The following LRP5 variants were observed in gnomAD, a reference collection of about 807,000 sequenced individuals.
LRP5 encodes low-density lipoprotein receptor-related protein 5.
Under a neutral mutation model 154.1 loss-of-function variants are expected in LRP5, and 62 were observed. That is an observed-to-expected ratio of 0.40 (90% confidence interval 0.33 to 0.50). The LOEUF (loss-of-function observed/expected upper bound fraction) is 0.50. Among genes scored for constraint, LRP5 ranks in the 20% least tolerant of loss-of-function variants. The probability of loss-of-function intolerance (pLI) is 0.55; values close to 1 mark genes in which losing one functional copy is unlikely to be tolerated. For synonymous variants in LRP5, 966 were observed against 1,011.5 expected, an observed-to-expected ratio of 0.96 and a Z score of 0.85; for missense variants, 1,915 against 2,336.7, an observed-to-expected ratio of 0.82 and a Z score of 3.72.
intron 2 of LRP5, among the ~76,000 whole-genome samples, chr11:68,350,661 G>C (rs1026960870): frequency 6.6e-6 from 1 of 152,262 alleles, no homozygotes; most frequent in South Asian, 2.1e-4. Context: ...GTGGGAATGA[G>C]GGTGTGGGGT....
intron 19 of LRP5, among the ~76,000 whole-genome samples, chr11:68,437,227 G>A (rs1483875347): frequency 1.3e-5 from 2 of 152,222 alleles, no homozygotes; most frequent in Admixed American, 1.3e-4. Context: ...CTCAGTGGGC[G>A]GGGCTGATGG....
chr11:68,348,071 G>T lies in LRP5; in HGVS notation c.316G>T (p.Gly106Cys). ...CGCCGTGCAGAACGTGGTCATCTCC[G>T]GCCTGGTCTCTCCCGACGGCCTCGC... is the stretch of plus-strand genomic sequence containing the variant. ...GAAVQNVVIS[G>C]LVSPDGLACD... is the part of the protein sequence containing the mutation. Residue 106 changes from glycine to cysteine, a missense_variant, in exon 2 of 23, where the codon GGC (glycine) becomes TGC (cysteine). Gly to Cys is a radical substitution (Grantham distance 159, BLOSUM62 -3). This residue lies in a region of LRP5 where 773 missense variants were observed against 1,100.9 expected (regional missense o/e 0.70). Transcript: ENST00000294304. 6.2e-7 allele frequency: 1 copy of T among 1,614,100 alleles called. No individual in the cohort carries two copies.
intron 5 of LRP5, among the ~76,000 whole-genome samples, chr11:68,367,914 A>T (rs1479131908): frequency 6.6e-6 from 1 of 152,116 alleles, no homozygotes; most frequent in Admixed American, 6.5e-5. Flanking sequence ...AAATATAAAA[A>T]TTAGCTGGGC....
At chr11:68,404,380 G>A (rs756683761) in intron 8 of LRP5, 34 of 520,152 alleles carry the variant, frequency 6.5e-5, no homozygotes, top group Non-Finnish European at 2.3e-5. Flanking sequence ...GAGGACAGAG[G>A]ACGTGATGCT....
intron 16 of LRP5, among the ~76,000 whole-genome samples, chr11:68,428,239 C>T (rs1263189873): frequency 1.3e-5 from 2 of 152,170 alleles, no homozygotes; most frequent in South Asian, 2.1e-4. Context: ...AGGTGATCCA[C>T]GCACCTCGGC....
At chr11:68,400,497 G>T (rs11228228) in intron 7 of LRP5, among the ~76,000 whole-genome samples, 1 of 152,148 alleles carries the variant, frequency 6.6e-6, no homozygotes, top group Non-Finnish European at 1.5e-5. Context: ...GAGGCGGGCA[G>T]ATCACCTGAG....
chr11:68,359,468 A>G (rs1271722068), intron 3 of LRP5, among the ~76,000 whole-genome samples: 1 of 152,170 alleles, frequency 6.6e-6, no homozygotes, highest in Non-Finnish European at 1.5e-5. Flanking sequence ...AAGGGTGGAC[A>G]AGAGGATAGA....
chr11:68,433,933 T>C, intron 18 of LRP5, 95 bp downstream of exon 18: 1 of 1,214,812 alleles, frequency 8.2e-7, no homozygotes, highest in Middle Eastern at 2.5e-4. Flanking sequence ...GAGTAGGGGC[T>C]CTGAAAACCT....
At chr11:68,360,530 G>A (rs1207499349) in intron 3 of LRP5, among the ~76,000 whole-genome samples, 5 of 152,354 alleles carry the variant, frequency 3.3e-5, no homozygotes, top group African/African-American at 9.6e-5. Context: ...ACATGGAAGC[G>A]TCGTGTGTTG....
At position 68,353,700 on chromosome 11, in the gene LRP5, G is replaced by A. The variant is rs1305083466; in HGVS notation, c.489-3950G>A. Among the ~76,000 whole-genome samples, 4 of 152,186 alleles carry A rather than the reference G, an allele frequency of 2.6e-5. No homozygotes were observed. The highest frequency in any genetic ancestry group is 2.6e-4 in the Admixed American group (4 of 15,282). ...CCGTCATCTCCTGTGCCCTCCTGCA[G>A]TGCTGTCCCCCACCAGGGTCCTTCC... On this transcript the variant is annotated intron_variant, in intron 2 of 22. Coordinates refer to ENST00000294304, the MANE Select transcript of LRP5 (RefSeq NM_002335.4). This position sits in a 1 kb window ranked among gnomAD's most constrained non-coding sequence, Gnocchi z 4.5.
At chr11:68,349,628 G>A (rs1047000016) in intron 2 of LRP5, among the ~76,000 whole-genome samples, 1 of 152,184 alleles carries the variant, frequency 6.6e-6, no homozygotes, top group South Asian at 2.1e-4. Flanking sequence ...GCCCTTGAAG[G>A]CTCAGGGCCT....
rs11604447 is a variant in LRP5 at position 68,350,990 on chromosome 11, G to C, written c.488+2747G>C. On this transcript the variant is annotated intron_variant, in intron 2 of 22. Coordinates refer to ENST00000294304, the MANE Select transcript of LRP5 (RefSeq NM_002335.4). ...TGCATGCGTGTGAGTGGATATTTGT[G>C]TGTGTATGAGTGTGCGCATGTGACT... Among the ~76,000 whole-genome samples, 3 of 152,270 alleles carry C rather than the reference G, an allele frequency of 2.0e-5. No individual in the cohort carries two copies. The East Asian group carries it at 5.8e-4, about 29-fold the overall frequency.
chr11:68,353,141 T>C lies in LRP5; in HGVS notation c.489-4509T>C, dbSNP rs998532667. On this transcript the variant is annotated intron_variant, in intron 2 of 22. Coordinates refer to ENST00000294304, the MANE Select transcript of LRP5 (RefSeq NM_002335.4). The surrounding 1 kb of genome is among the most constrained non-coding windows in gnomAD (Gnocchi z 4.5). Reference sequence around the variant, plus strand: ...ACTGTCCCTGTTTGGCTCTGGCTTTTCTTAACTATTTGAAATGGTTCCTTT... The same window carrying C: ...ACTGTCCCTGTTTGGCTCTGGCTTTCCTTAACTATTTGAAATGGTTCCTTT... 3.9e-5 allele frequency among the ~76,000 whole-genome samples: 6 copies of C among 152,176 alleles called. No homozygotes were observed. The highest frequency in any genetic ancestry group is 1.3e-4 in the Admixed American group (2 of 15,280).
chr11:68,368,064 C>CA (rs35969123), intron 5 of LRP5, among the ~76,000 whole-genome samples: 8,624 of 94,502 alleles, frequency 0.091, 612 homozygotes, highest in African/African-American at 0.24. Flanking sequence ...GACCCTGTCT[C>CA]AAAAAAAAAA....
intron 1 of LRP5, among the ~76,000 whole-genome samples, chr11:68,313,311 G>C (rs2098590153): frequency 6.6e-6 from 1 of 152,076 alleles, no homozygotes; most frequent in African/African-American, 2.4e-5. Context: ...GGCCGGTGGC[G>C]CTGCTCCTGT....
At chr11:68,345,523 G>A (rs1408218635) in intron 1 of LRP5, among the ~76,000 whole-genome samples, 2 of 151,946 alleles carry the variant, frequency 1.3e-5, no homozygotes, top group African/African-American at 4.8e-5. Context: ...CTGACCTCAG[G>A]TGATCCACCC....
chr11:68,328,201 C>T (rs182732856), intron 1 of LRP5, among the ~76,000 whole-genome samples: 591 of 151,752 alleles, frequency 3.9e-3, no homozygotes, highest in Non-Finnish European at 6.0e-3. Flanking sequence ...TGGCGGCCTT[C>T]GGGCCTTGGC....
chr11:68,356,525 T>C (rs1190103560), intron 2 of LRP5, among the ~76,000 whole-genome samples: 1 of 152,194 alleles, frequency 6.6e-6, no homozygotes, highest in Non-Finnish European at 1.5e-5. Flanking sequence ...TGAGTTCCTA[T>C]ACATCCCTGT....
At chr11:68,379,790 C>CCCCACCTTCCCTCCTT (rs2098639293) in intron 5 of LRP5, among the ~76,000 whole-genome samples, 1 of 152,188 alleles carries the variant, frequency 6.6e-6, no homozygotes, top group Non-Finnish European at 1.5e-5. Context: ...CTCTCCTCCT[C>CCCCACCTTCCCTCCTT]CCCACCTTCC....
Sources: allele counts gnomAD v4.1 joint callset (sites outside exome capture counted in the v4.1 genomes callset), GRCh38; gene constraint gnomAD v4.1.1; regional missense constraint gnomAD v4.1.1; non-coding constraint Gnocchi (gnomAD v3.1); transcripts MANE v1.5; gene names NCBI Gene and HGNC (gene_info 2026-07-23, HGNC 2026-07-21).